DMD: variants seen among roughly 807,000 people sequenced by gnomAD.
The protein encoded by DMD is dystrophin, also known as mutant dystrophin.
In DMD, 63 loss-of-function variants were observed where a neutral mutation model predicts 330.1. The observed-to-expected ratio is 0.19, with a 90% confidence interval of 0.16 to 0.24. The LOEUF (loss-of-function observed/expected upper bound fraction) is 0.24, where lower values mean the gene tolerates loss of function less well. Among genes scored for constraint, DMD ranks in the 10% least tolerant of loss-of-function variants. The probability of loss-of-function intolerance (pLI) is 1.00; values close to 1 mark genes in which losing one functional copy is unlikely to be tolerated. For synonymous variants in DMD, 1,223 were observed against 959.8 expected (o/e 1.27, Z -5.07); for missense variants, 3,344 against 2,684.1 (o/e 1.25, Z -5.43).
intron 52 of DMD, among the ~76,000 whole-genome samples, chrX:31,728,085 C>G (rs925204821): frequency 8.9e-6 from 1 of 112,460 alleles, no homozygotes; most frequent in Non-Finnish European, 1.9e-5. Context: ...TGCAGTGGCG[C>G]AATCTCGGCT....
intron 2 of DMD, among the ~76,000 whole-genome samples, chrX:32,931,277 T>C (rs753222826): frequency 7.2e-5 from 8 of 110,796 alleles, no homozygotes; most frequent in Non-Finnish European, 1.1e-4. Flanking sequence ...GAGATAACCC[T>C]AAATTTACGA....
intron 2 of DMD, among the ~76,000 whole-genome samples, chrX:33,009,958 ATATACACATATGTGTG>A (rs1464913830): frequency 1.6e-5 from 1 of 62,838 alleles, no homozygotes; most frequent in Non-Finnish European, 2.6e-5. Flanking sequence ...GTGTATGTGT[ATATACACATATGTGTG>A]TATACACATG....
At chrX:32,325,084 T>C (rs995193735) in intron 41 of DMD, among the ~76,000 whole-genome samples, 1 of 111,520 alleles carries the variant, frequency 9.0e-6, no homozygotes, top group African/African-American at 3.3e-5. Flanking sequence ...AATAAAGCAG[T>C]ATTTTTTAAA....
At chrX:33,059,220 G>A (rs1475840769) in intron 1 of DMD, among the ~76,000 whole-genome samples, 1 of 111,104 alleles carries the variant, frequency 9.0e-6, no homozygotes, top group Non-Finnish European at 1.9e-5. Context: ...ACACACTAAT[G>A]GTCACAGCCA....
chrX:31,222,074 T>C (rs1303991132), intron 64 of DMD, among the ~76,000 whole-genome samples: 1 of 110,762 alleles, frequency 9.0e-6, no homozygotes, highest in Non-Finnish European at 1.9e-5. Flanking sequence ...TGGGTGCCTG[T>C]AGTCCCAGCT....
chrX:32,213,169 T>C (rs936753280), intron 44 of DMD, among the ~76,000 whole-genome samples: 3 of 112,507 alleles, frequency 2.7e-5, no homozygotes, highest in African/African-American at 9.7e-5. Flanking sequence ...GTTTGTTTAA[T>C]ATATGGGCTG....
chrX:31,699,530 T>C (rs2083660679), intron 52 of DMD, among the ~76,000 whole-genome samples: 2 of 112,509 alleles, frequency 1.8e-5, no homozygotes, highest in South Asian at 7.3e-4. Flanking sequence ...GCCAAGGCTA[T>C]TTTTTTGTAT....
At chrX:32,645,392 A>C (rs979508521) in intron 9 of DMD, among the ~76,000 whole-genome samples, 1 of 112,291 alleles carries the variant, frequency 8.9e-6, no homozygotes, top group African/African-American at 3.2e-5. Context: ...AAGCTCTTCT[A>C]GATTACTGGA....
At chrX:32,812,698 TAC>T (rs2077459613) in intron 6 of DMD, among the ~76,000 whole-genome samples, 1 of 112,425 alleles carries the variant, frequency 8.9e-6, no homozygotes, top group South Asian at 3.7e-4. Flanking sequence ...CTCTAGTTAA[TAC>T]ACCAGAATTT....
At chrX:32,873,352 A>T (rs1603451480) in intron 2 of DMD, among the ~76,000 whole-genome samples, 1 of 109,637 alleles carries the variant, frequency 9.1e-6, no homozygotes, top group East Asian at 2.9e-4. Flanking sequence ...TAGGCATTAG[A>T]GTGAGAGAGC....
chrX:31,961,740 G>GTTTTTTTTTTTTTTTTTT (rs59279553), intron 45 of DMD, among the ~76,000 whole-genome samples: 4 of 75,636 alleles, frequency 5.3e-5, no homozygotes, highest in Non-Finnish European at 1.0e-4. Context: ...AAAGGAAGCG[G>GTTTTTTTTTTTTTTTTTT]TTTTTTTTTT....
chrX:32,378,406 T>TTAATAG lies in DMD; in HGVS notation c.4845+2103_4845+2104insCTATTA, dbSNP rs199759067. Among the ~76,000 whole-genome samples, 133 of 109,854 alleles carry TTAATAG rather than the reference T, an allele frequency of 1.2e-3. 1 individual carries two copies. The highest frequency in any genetic ancestry group is 4.2e-3 in the African/African-American group (128 of 30,616). On this transcript the variant is annotated intron_variant, in intron 34 of 78. Coordinates refer to ENST00000357033, the MANE Select transcript of DMD (RefSeq NM_004006.3). The stretch of plus-strand genomic sequence containing the variant: ...CCACACTAAATAATTTTTCTGGAAT[T>TTAATAG]TAATATATATTAAATATAATTAAGA...
intron 11 of DMD, among the ~76,000 whole-genome samples, chrX:32,640,207 T>A: frequency 9.2e-6 from 1 of 109,270 alleles, no homozygotes; most frequent in Middle Eastern, 4.7e-3. Context: ...ATCTTATTTA[T>A]CACAGTTATC....
intron 47 of DMD, among the ~76,000 whole-genome samples, chrX:31,876,704 A>C (rs1338894803): frequency 3.6e-5 from 4 of 109,987 alleles, no homozygotes; most frequent in African/African-American, 6.6e-5. Flanking sequence ...AAAAACAAAA[A>C]AAACAAAAAA....
At chrX:32,007,597 G>T (rs1410648902) in intron 44 of DMD, among the ~76,000 whole-genome samples, 1 of 111,063 alleles carries the variant, frequency 9.0e-6, no homozygotes, top group African/African-American at 3.3e-5. Flanking sequence ...CCAGAGACAC[G>T]TCAATCTTAA....
chrX:32,949,251 TACACACACACACACAC>T (rs10587318), intron 2 of DMD, among the ~76,000 whole-genome samples: 21 of 89,580 alleles, frequency 2.3e-4, no homozygotes, highest in African/African-American at 7.5e-4. Flanking sequence ...AATCGTTACA[TACACACACACACACAC>T]ACACACACAC....
At chrX:31,202,636 A>G (rs1162619145) in intron 67 of DMD, among the ~76,000 whole-genome samples, 1 of 112,133 alleles carries the variant, frequency 8.9e-6, no homozygotes, top group Non-Finnish European at 1.9e-5. Context: ...TCTGTGGTCA[A>G]AGACTTCAGA....
intron 55 of DMD, among the ~76,000 whole-genome samples, chrX:31,589,605 C>T (rs1041909180): frequency 1.1e-4 from 12 of 111,530 alleles, no homozygotes; most frequent in African/African-American, 3.6e-4. Flanking sequence ...CATGTTTGAC[C>T]TCTTATTTAG....
At chrX:32,708,065 C>T (rs1045189289) in intron 7 of DMD, among the ~76,000 whole-genome samples, 1 of 111,761 alleles carries the variant, frequency 8.9e-6, no homozygotes, top group African/African-American at 3.3e-5. Flanking sequence ...ATAAAATAGT[C>T]TATTTGTGAA....
Sources: allele counts gnomAD v4.1 joint callset (sites outside exome capture counted in the v4.1 genomes callset), GRCh38; gene constraint gnomAD v4.1.1; transcripts MANE v1.5; gene names NCBI Gene and HGNC (gene_info 2026-07-23, HGNC 2026-07-21).